GRB10: variants seen among roughly 807,000 people sequenced by gnomAD.
GRB10 encodes growth factor receptor-bound protein 10.
A neutral mutation model predicts 80.9 loss-of-function variants in GRB10; 20 were observed. That is an observed-to-expected ratio of 0.25 (90% CI 0.17 to 0.36). The LOEUF is 0.36. GRB10 is among the 10% of genes least tolerant of loss of function. The pLI is 1.00. For missense variants in GRB10, 548 were observed against 747.7 expected (o/e 0.73, Z 3.12); for synonymous variants, 291 against 291.5 (o/e 1.00, Z 0.02).
upstream of GRB10, among the ~76,000 whole-genome samples, chr7:50,786,303 GAAGAA>G (rs1191071976): frequency 6.6e-6 from 1 of 152,054 alleles, no homozygotes; most frequent in Non-Finnish European, 1.5e-5. Context: ...GAGGAAAATG[GAAGAA>G]AAGAAATGAA....
At chr7:50,628,603 G>A (rs1359349232) in intron 7 of GRB10, among the ~76,000 whole-genome samples, 1 of 152,094 alleles carries the variant, frequency 6.6e-6, no homozygotes, top group African/African-American at 2.4e-5. Flanking sequence ...CTCAGCGAGA[G>A]CGGAAGAGCC....
chr7:50,782,915 C>G (rs2078463212), upstream of GRB10: 1 of 152,454 alleles, frequency 6.6e-6, no homozygotes, highest in South Asian at 2.1e-4. This position sits in a 1 kb window ranked among gnomAD's most constrained non-coding sequence, Gnocchi z 6.6. Context: ...ACCCATGTGA[C>G]GCGGCCACGC....
chr7:50,792,714 C>T (rs1435427798), intron 1 of GRB10: 10 of 335,564 alleles, frequency 3.0e-5, no homozygotes, highest in Non-Finnish European at 5.4e-5. Flanking sequence ...CACCACTGTC[C>T]CGGACGCCCG....
intron 5 of GRB10, among the ~76,000 whole-genome samples, chr7:50,692,196 C>T (rs2299153): frequency 0.62 from 93,640 of 151,876 alleles, 31,606 homozygotes; most frequent in Middle Eastern, 0.85. Context: ...GTAGGTTATA[C>T]GCAAATACTA....
intron 3 of GRB10, among the ~76,000 whole-genome samples, chr7:50,740,896 TG>T (rs1168561841): frequency 6.7e-6 from 1 of 149,012 alleles, no homozygotes; most frequent in African/African-American, 2.4e-5. Flanking sequence ...AAAGACAGAA[TG>T]GACAGATATA....
At chr7:50,710,775 C>A (rs142814410) in intron 4 of GRB10, 6 of 1,332,210 alleles carry the variant, frequency 4.5e-6, no homozygotes, top group Non-Finnish European at 6.5e-6. Flanking sequence ...AGAACGACCA[C>A]TTCATAGGTC....
intron 4 of GRB10, among the ~76,000 whole-genome samples, chr7:50,721,398 C>T (rs924074696): frequency 2.0e-5 from 3 of 152,218 alleles, no homozygotes; most frequent in Non-Finnish European, 4.4e-5. Flanking sequence ...GAGGAGCCGT[C>T]GCAGTGATCA....
chr7:50,596,441 C>T (rs568318767), intron 17 of GRB10, among the ~76,000 whole-genome samples: 1 of 152,264 alleles, frequency 6.6e-6, no homozygotes, highest in East Asian at 1.9e-4. Context: ...AGGCTGAGCC[C>T]AGGCACACTC....
intron 1 of GRB10, chr7:50,792,573 C>A (rs1385290123): frequency 2.8e-5 from 11 of 398,302 alleles, no homozygotes; most frequent in Middle Eastern, 6.2e-4. Flanking sequence ...ATTTCCACGG[C>A]TGGCGGGCGG....
intron 7 of GRB10, among the ~76,000 whole-genome samples, chr7:50,650,590 C>G (rs1586351746): frequency 6.6e-6 from 1 of 152,186 alleles, no homozygotes; most frequent in South Asian, 2.1e-4. Flanking sequence ...AAGGGGGCAG[C>G]TGCAAATGGA....
chr7:50,637,918 C>T (rs2055384716), intron 7 of GRB10, among the ~76,000 whole-genome samples: 2 of 152,182 alleles, frequency 1.3e-5, no homozygotes, highest in African/African-American at 4.8e-5. Flanking sequence ...ACCAACTGAT[C>T]TTTGACCAAG....
intron 15 of GRB10, 63 bp from the exon 16 acceptor site, chr7:50,604,440 T>G: frequency 1.4e-6 from 2 of 1,382,470 alleles, no homozygotes. Flanking sequence ...TCACCCAATA[T>G]GTCCAAGCTC....
intron 2 of GRB10, among the ~76,000 whole-genome samples, chr7:50,767,664 A>G (rs2076502571): frequency 6.6e-6 from 1 of 152,076 alleles, no homozygotes; most frequent in Non-Finnish European, 1.5e-5. Context: ...GGTACATTTC[A>G]GCTCCCAACC....
chr7:50,592,648 G>T lies in GRB10; in HGVS notation c.*304C>A. On this transcript the variant is annotated 3_prime_UTR_variant, in exon 19 of 19. Transcript: ENST00000401949. Reference sequence around the variant, plus strand: ...GTTCATTTCCAATCACTTCTCTCCGGTTCTTGTTCCTAAGCGGCCCAAGCC... The same window carrying T: ...GTTCATTTCCAATCACTTCTCTCCGTTTCTTGTTCCTAAGCGGCCCAAGCC... 2 of 455,030 alleles carry T rather than the reference G, an allele frequency of 4.4e-6. No individual in the cohort carries two copies. Among genetic ancestry groups the T allele is most frequent in the South Asian group, 4.6e-5 (2 of 43,178 alleles). The allele number at this position is 455,030 out of a possible 1,614,324, so 28.2% of individuals were successfully genotyped here.
chr7:50,707,563 T>C (rs1012526461), intron 4 of GRB10, among the ~76,000 whole-genome samples: 11 of 152,266 alleles, frequency 7.2e-5, no homozygotes, highest in Non-Finnish European at 1.6e-4. Flanking sequence ...ATCAAAACAG[T>C]TTCAAAGTTT....
At position 50,732,381 on chromosome 7, in the gene GRB10, C is replaced by T; in HGVS notation, c.-46-13G>A. ...TGCGCTGCAGCACCTGGAATAAAGA[C>T]AGACTGTGAGAAGCCAAGCCAGAAA... is the stretch of plus-strand genomic sequence containing the variant. On this transcript the variant is annotated splice_polypyrimidine_tract_variant and intron_variant, in intron 3 of 18. Coordinates refer to ENST00000401949, the MANE Select transcript of GRB10 (RefSeq NM_001350814.2). 3 of 1,441,696 alleles carry T rather than the reference C, an allele frequency of 2.1e-6. No individual in the cohort carries two copies. The highest frequency in any genetic ancestry group is 2.9e-6 in the Non-Finnish European group (3 of 1,027,124). The allele number at this position is 1,441,696 out of a possible 1,614,324, so 89.3% of individuals were successfully genotyped here.
intron 7 of GRB10, among the ~76,000 whole-genome samples, chr7:50,657,969 A>G (rs543177340): frequency 6.6e-6 from 1 of 152,334 alleles, no homozygotes; most frequent in African/African-American, 2.4e-5. Flanking sequence ...GAGCCTAAGG[A>G]AAGAAAAACA....
intron 5 of GRB10, among the ~76,000 whole-genome samples, chr7:50,691,216 G>A (rs537311433): frequency 5.9e-5 from 9 of 152,174 alleles, no homozygotes; most frequent in Non-Finnish European, 1.2e-4. Context: ...CTTGGTTTGA[G>A]CCACTGAACG....
At chr7:50,667,681 A>C (rs2059950397) in intron 7 of GRB10, among the ~76,000 whole-genome samples, 1 of 152,076 alleles carries the variant, frequency 6.6e-6, no homozygotes, top group Non-Finnish European at 1.5e-5. Context: ...AAAAAAGAAC[A>C]AAGAACAAGG....
Sources: gnomAD v4.1 joint callset for allele counts (sites outside exome capture counted in the v4.1 genomes callset) on GRCh38, gnomAD v4.1.1 for gene constraint, Gnocchi (gnomAD v3.1) non-coding constraint, MANE v1.5 for transcripts, NCBI Gene and HGNC (gene_info 2026-07-23, HGNC 2026-07-21) for gene names.